GRM7: variants seen among roughly 807,000 people sequenced by gnomAD.
GRM7 encodes the protein glutamate metabotropic receptor 7.
A neutral mutation model predicts 84.5 loss-of-function variants in GRM7; 35 were observed. That is an observed-to-expected ratio of 0.41 (90% CI 0.32 to 0.55). The LOEUF (loss-of-function observed/expected upper bound fraction) is 0.55. Among genes scored for constraint, GRM7 ranks in the 20% least tolerant of loss-of-function variants. The pLI is 0.19. For missense variants in GRM7, 1,003 were observed against 1,194.6 expected, an observed-to-expected ratio of 0.84 and a Z score of 2.36; for synonymous variants, 487 against 455.1, an observed-to-expected ratio of 1.07 and a Z score of -0.89.
At chr3:7,326,989 A>G (rs1701014549) in intron 4 of GRM7, among the ~76,000 whole-genome samples, 1 of 152,200 alleles carries the variant, frequency 6.6e-6, no homozygotes, top group Admixed American at 6.5e-5. Flanking sequence ...GTGTTCCCAG[A>G]ATATAAGCTT....
chr3:7,691,416 C>T (rs529091155), intron 9 of GRM7: 3 of 339,328 alleles, frequency 8.8e-6, no homozygotes, highest in Non-Finnish European at 1.6e-5. Flanking sequence ...CTGGGAGTCC[C>T]ATCCTGGCTC....
At chr3:7,579,391 A>T (rs1294529993) in intron 8 of GRM7, 34 bp downstream of exon 8, 4 of 1,284,084 alleles carry the variant, frequency 3.1e-6, no homozygotes, top group Non-Finnish European at 4.3e-6. Context: ...TATGTTTTTT[A>T]AAAATGTGTT....
chr3:7,213,927 A>G (rs780986723), intron 2 of GRM7, among the ~76,000 whole-genome samples: 3 of 152,212 alleles, frequency 2.0e-5, no homozygotes, highest in Non-Finnish European at 4.4e-5. Context: ...TTTCATAAAA[A>G]GTATGTCCCA....
intron 1 of GRM7, among the ~76,000 whole-genome samples, chr3:6,902,604 A>G (rs1696427552): frequency 6.6e-6 from 1 of 152,158 alleles, no homozygotes; most frequent in Non-Finnish European, 1.5e-5. Context: ...ATTAATTACA[A>G]ATGCTTCTAA....
At position 7,146,650 on chromosome 3, in the gene GRM7, C is replaced by G; in HGVS notation, c.718C>G (p.Gln240Glu). The stretch of plus-strand genomic sequence containing the variant: ...AGAGAAAGGTGTGGAGTCCTTCACG[C>G]AGATTTCCAAAGAGGCAGGTAGGAT... ...YGEKGVESFT[Q>E]ISKEAGGLCI... The change falls in exon 2 of 10, where the codon CAG becomes GAG. Residue 240 changes from glutamine to glutamate, a missense_variant. Coordinates refer to ENST00000357716, the MANE Select transcript of GRM7 (RefSeq NM_000844.4). The G allele has an allele frequency of 3.7e-6, 6 of 1,612,604 alleles. No homozygotes were observed. The highest frequency in any genetic ancestry group is 5.1e-6 in the Non-Finnish European group (6 of 1,179,462).
intron 1 of GRM7, among the ~76,000 whole-genome samples, chr3:7,090,125 G>A (rs1698611655): frequency 6.6e-6 from 1 of 152,170 alleles, no homozygotes; most frequent in African/African-American, 2.4e-5. Context: ...TTACAGGCAT[G>A]AGCCACCGTG....
chr3:6,956,146 T>C (rs1204742573), intron 1 of GRM7, among the ~76,000 whole-genome samples: 1 of 152,158 alleles, frequency 6.6e-6, no homozygotes, highest in Non-Finnish European at 1.5e-5. Flanking sequence ...ACAACTAGCT[T>C]ATTGCAATTC....
chr3:7,432,305 C>A (rs952432308), intron 5 of GRM7, among the ~76,000 whole-genome samples: 1 of 151,992 alleles, frequency 6.6e-6, no homozygotes, highest in Non-Finnish European at 1.5e-5. Context: ...GTAAGTAAAC[C>A]AAGGCATCTA....
intron 8 of GRM7, among the ~76,000 whole-genome samples, chr3:7,602,820 T>A (rs1347748657): frequency 2.0e-5 from 3 of 152,160 alleles, no homozygotes; most frequent in Non-Finnish European, 4.4e-5. Context: ...GCGTCTTGTA[T>A]AAAATCAGGA....
intron 1 of GRM7, among the ~76,000 whole-genome samples, chr3:6,905,826 T>C (rs1216749350): frequency 2.0e-5 from 3 of 152,184 alleles, no homozygotes; most frequent in South Asian, 2.1e-4. Context: ...TTGAGCTTCA[T>C]TGGGTGGTTC....
intron 7 of GRM7, among the ~76,000 whole-genome samples, chr3:7,462,489 A>G (rs1450311183): frequency 6.6e-6 from 1 of 152,246 alleles, no homozygotes; most frequent in Non-Finnish European, 1.5e-5. Context: ...TAACCATCAC[A>G]GTCTCTCTCC....
chr3:7,618,440 C>A (rs1454846952), intron 8 of GRM7, among the ~76,000 whole-genome samples: 1 of 151,874 alleles, frequency 6.6e-6, no homozygotes, highest in African/African-American at 2.4e-5. Flanking sequence ...AGCTTAAATG[C>A]CAAAATGAAC....
intron 1 of GRM7, among the ~76,000 whole-genome samples, chr3:7,031,367 A>G (rs1438601954): frequency 3.3e-5 from 5 of 151,978 alleles, no homozygotes; most frequent in Non-Finnish European, 7.4e-5. Flanking sequence ...GAATCCCATT[A>G]AAACCTGGAC....
At chr3:6,935,802 T>TCTC (rs1697671855) in intron 1 of GRM7, among the ~76,000 whole-genome samples, 1 of 151,816 alleles carries the variant, frequency 6.6e-6, no homozygotes, top group South Asian at 2.1e-4. Flanking sequence ...TTCAAGCAAT[T>TCTC]CTCCTGCCTC....
intron 2 of GRM7, among the ~76,000 whole-genome samples, chr3:7,271,411 T>C (rs977485981): frequency 1.3e-5 from 2 of 151,492 alleles, no homozygotes; most frequent in South Asian, 4.2e-4. Flanking sequence ...TACAAAAAAT[T>C]AGCCGGGCGT....
chr3:7,230,030 G>A (rs1022894652), intron 2 of GRM7, among the ~76,000 whole-genome samples: 2 of 150,540 alleles, frequency 1.3e-5, no homozygotes, highest in Non-Finnish European at 3.0e-5. Context: ...TAGTAGAGAC[G>A]GGGTTTCACC....
At chr3:7,675,147 A>G (rs575355411) in intron 8 of GRM7, among the ~76,000 whole-genome samples, 146 of 152,360 alleles carry the variant, frequency 9.6e-4, no homozygotes, top group African/African-American at 3.3e-3. Flanking sequence ...CAATAGTAAT[A>G]AGATGATTTC....
intron 8 of GRM7, among the ~76,000 whole-genome samples, chr3:7,674,945 A>G (rs1700067719): frequency 6.6e-6 from 1 of 152,238 alleles, no homozygotes; most frequent in Non-Finnish European, 1.5e-5. Flanking sequence ...TATACAGCCT[A>G]TCTGAAAACT....
intron 5 of GRM7, among the ~76,000 whole-genome samples, chr3:7,448,004 G>GT (rs1379635424): frequency 2.7e-5 from 4 of 148,160 alleles, no homozygotes; most frequent in Admixed American, 2.1e-4. Context: ...GCGGTGTTTG[G>GT]TTTTTTGTCC....
Sources: allele counts gnomAD v4.1 joint callset (sites outside exome capture counted in the v4.1 genomes callset), GRCh38; gene constraint gnomAD v4.1.1; transcripts MANE v1.5; gene names NCBI Gene and HGNC (gene_info 2026-07-23, HGNC 2026-07-21).